The following TEAD3 variants were observed in gnomAD, a reference collection of about 807,000 sequenced individuals.
TEAD3 encodes transcriptional enhancer factor TEF-5.
In TEAD3, 15 loss-of-function variants were observed where a neutral mutation model predicts 55.6. The ratio of observed to expected loss-of-function variants is 0.27; its 90% CI spans 0.18 to 0.42. The LOEUF (loss-of-function observed/expected upper bound fraction) is 0.42, where lower values mean the gene tolerates loss of function less well. Ranked by LOEUF, TEAD3 falls within the 10% of genes least tolerant of loss-of-function variation. TEAD3 has a pLI of 1.00. For missense variants in TEAD3, 407 were observed against 576.8 expected (o/e 0.71, Z 3.01); for synonymous variants, 210 against 232.2 (o/e 0.90, Z 0.87).
chr6:35,474,276 T>C (rs1768095463), downstream of TEAD3: 1 of 152,874 alleles, frequency 6.5e-6, no homozygotes, highest in Non-Finnish European at 1.5e-5. Flanking sequence ...CCCTTCTTCA[T>C]GCCCAGTCTG....
At chr6:35,482,853 A>G (rs1768291451) in intron 3 of TEAD3, among the ~76,000 whole-genome samples, 1 of 152,232 alleles carries the variant, frequency 6.6e-6, no homozygotes, top group Non-Finnish European at 1.5e-5. Flanking sequence ...TCTTCTGGGT[A>G]GAGAAGGACC....
At chr6:35,474,960 C>T in exon 13 of TEAD3, 1 of 1,235,252 alleles carries the variant, frequency 8.1e-7, no homozygotes, top group Non-Finnish European at 1.1e-6. Context: ...GATGAATCCT[C>T]AATCCTGGAC....
Position 35,478,478 on chromosome 6 carries a change from G to A in TEAD3, c.436C>T (p.Pro146Ser), listed in dbSNP as rs373538100. The A allele has an allele frequency of 6.6e-5, 106 of 1,612,672 alleles. No homozygotes were observed. Among genetic ancestry groups the A allele is most frequent in the Non-Finnish European group, 8.8e-5 (104 of 1,179,422 alleles). Residue 146 changes from proline to serine, a missense_variant, in exon 6 of 13, where the codon CCA (proline) becomes TCA (serine). By Grantham distance (74) the Pro-to-Ser change is moderately conservative. Coordinates refer to ENST00000639578, the Ensembl canonical transcript of TEAD3. Reference sequence around the variant, plus strand: ...ACGGCCTGGGGCAGAGGGGAAGGTGGGCTGAACTTGTTCTGCAGGACACTG... The same window carrying A: ...ACGGCCTGGGGCAGAGGGGAAGGTGAGCTGAACTTGTTCTGCAGGACACTG...
In TEAD3 at chr6:35,483,606, C is replaced by CT. The variant is rs534750290; in HGVS notation, c.267+953dup. Among the ~76,000 whole-genome samples, 79 of 152,206 alleles carry CT rather than the reference C, an allele frequency of 5.2e-4. No homozygotes were observed. The highest frequency in any genetic ancestry group is 1.0e-3 in the Non-Finnish European group (70 of 68,026). On this transcript the variant is annotated intron_variant, in intron 3 of 12. Coordinates refer to ENST00000639578, the Ensembl canonical transcript of TEAD3. This position sits in a 1 kb window ranked among gnomAD's most constrained non-coding sequence, Gnocchi z 4.5. ...CTTATGCCCGCAATGGCCAGCCTCT[C>CT]TGTCTCCAGCCAGCCCTCTCTAATC...
intron 3 of TEAD3, among the ~76,000 whole-genome samples, chr6:35,481,520 C>A (rs1283968088): frequency 6.6e-6 from 1 of 152,212 alleles, no homozygotes; most frequent in Non-Finnish European, 1.5e-5. Context: ...GAATCAGACT[C>A]CTGTCCAGCA....
At chr6:35,489,761 G>A (rs1162605859) in intron 1 of TEAD3, among the ~76,000 whole-genome samples, 1 of 152,058 alleles carries the variant, frequency 6.6e-6, no homozygotes, top group East Asian at 1.9e-4. Context: ...AATAAATAAG[G>A]AAATGTGGGG....
In TEAD3 at chr6:35,496,462, G is replaced by A. The variant is rs552289037; in HGVS notation, c.-50+436C>T. Among the ~76,000 whole-genome samples, 5 of 152,202 alleles carry A rather than the reference G, an allele frequency of 3.3e-5. No homozygotes were observed. The highest frequency in any genetic ancestry group is 2.1e-4 in the South Asian group (1 of 4,832). On this transcript the variant is annotated intron_variant, in intron 1 of 12. Coordinates refer to ENST00000639578, the Ensembl canonical transcript of TEAD3. The surrounding 1 kb of genome is among the most constrained non-coding windows in gnomAD (Gnocchi z 4.8). Reference sequence around the variant, plus strand: ...CCGAGGCCTGCGTGGAGCTGAGGCCGGGCGGGCTCCGGGAGCGCGCGGGCC... The same window carrying A: ...CCGAGGCCTGCGTGGAGCTGAGGCCAGGCGGGCTCCGGGAGCGCGCGGGCC...
intron 8 of TEAD3, among the ~76,000 whole-genome samples, chr6:35,476,907 C>T (rs1768160230): frequency 6.6e-6 from 1 of 152,218 alleles, no homozygotes; most frequent in Admixed American, 6.5e-5. Context: ...ACTGCAACCT[C>T]CACCCACTGG....
At chr6:35,480,184 G>A in intron 3 of TEAD3, 128 bp downstream of exon 4, 1 of 1,551,444 alleles carries the variant, frequency 6.4e-7, no homozygotes, top group Non-Finnish European at 8.7e-7. Context: ...CAGAAACAGA[G>A]CTTCAGCCAG....
In TEAD3 at chr6:35,486,940, C is replaced by T. The variant is rs562048555; in HGVS notation, c.-49-229G>A. Among the ~76,000 whole-genome samples, 1 of 152,126 alleles carries T rather than the reference C, an allele frequency of 6.6e-6. No homozygotes were observed. Among genetic ancestry groups the T allele is most frequent in the Non-Finnish European group, 1.5e-5 (1 of 68,020 alleles). On this transcript the variant is annotated intron_variant, in intron 1 of 12. Coordinates refer to ENST00000639578, the Ensembl canonical transcript of TEAD3. The surrounding 1 kb of genome is among the most constrained non-coding windows in gnomAD (Gnocchi z 7.3). ...CTCTCTAGGCCTCAGTCCTGTAAAA[C>T]GAGAAAAGGGTCTCCTTGAGGAGAC...
Position 35,486,526 on chromosome 6 carries a change from G to A in TEAD3, c.137C>T (p.Ala46Val). The change falls in exon 2 of 13, where the codon GCC (alanine) becomes GTC (valine). Residue 46 changes from alanine to valine, a missense_variant. Physicochemically the swap from Ala to Val is moderately conservative, Grantham distance 64. Transcript: ENST00000639578. The surrounding 1 kb of genome is among the most constrained non-coding windows in gnomAD (Gnocchi z 7.3). The stretch of plus-strand genomic sequence containing the variant: ...GCCGCAGGGCGGGTAGATGGCCAGG[G>A]CCTCCTGGAAGCTCTGCTCGATGTC... The A allele has an allele frequency of 6.2e-7, 1 of 1,613,658 alleles. No homozygotes were observed. The highest frequency in any genetic ancestry group is 8.5e-7 in the Non-Finnish European group (1 of 1,179,794).
intron 1 of TEAD3, among the ~76,000 whole-genome samples, chr6:35,490,193 C>G (rs965826330): frequency 6.6e-6 from 1 of 152,218 alleles, no homozygotes; most frequent in Non-Finnish European, 1.5e-5. Context: ...CTGTGGCCCC[C>G]CCTTCTTAGG....
rs1213929668 is a variant in TEAD3 at position 35,484,158 on chromosome 6, C to A, written c.267+402G>T. On this transcript the variant is annotated intron_variant, in intron 3 of 12. Coordinates refer to ENST00000639578, the Ensembl canonical transcript of TEAD3. The surrounding 1 kb of genome is among the most constrained non-coding windows in gnomAD (Gnocchi z 5.8). ...CTGCTTGTCCCAGGGTGCCCTGCAC[C>A]CACCCTCTCTCAGCCCCGCCACCTT... is the stretch of plus-strand genomic sequence containing the variant. 6.6e-6 allele frequency among the ~76,000 whole-genome samples: 1 copy of A among 152,142 alleles called. No individual in the cohort carries two copies. The highest frequency in any genetic ancestry group is 6.5e-5 in the Admixed American group (1 of 15,278).
chr6:35,475,713 A>T lies in TEAD3; in HGVS notation c.901-7T>A. On this transcript the variant is annotated splice_region_variant and splice_polypyrimidine_tract_variant and intron_variant, in intron 10 of 12. Coordinates refer to ENST00000639578, the Ensembl canonical transcript of TEAD3. This position sits in a 1 kb window ranked among gnomAD's most constrained non-coding sequence, Gnocchi z 5.4. ...TGGTGCTGTTGAGGTCGGCCTGGGCATGGGGGTGGGGGGTGTTAGGTGCTG... is the reference window on the plus strand; with the variant it reads ...TGGTGCTGTTGAGGTCGGCCTGGGCTTGGGGGTGGGGGGTGTTAGGTGCTG... 2 of 1,581,386 alleles carry T rather than the reference A, an allele frequency of 1.3e-6. No individual in the cohort carries two copies. The highest frequency in any genetic ancestry group is 1.2e-5 in the South Asian group (1 of 86,296).
intron 5 of TEAD3, 31 bp downstream of exon 5, chr6:35,479,274 C>A (rs202046348): frequency 6.2e-7 from 1 of 1,613,086 alleles, no homozygotes; most frequent in Non-Finnish European, 8.5e-7. Context: ...CCCTTTCCCC[C>A]ACTCCCACTG....
At position 35,496,464 on chromosome 6, in the gene TEAD3, G is replaced by A. The variant is rs1768656973; in HGVS notation, c.-50+434C>T. Among the ~76,000 whole-genome samples the A allele has an allele frequency of 6.6e-6, 1 of 151,974 alleles. No individual in the cohort carries two copies. The highest frequency in any genetic ancestry group is 2.1e-4 in the South Asian group (1 of 4,832). ...GAGGCCTGCGTGGAGCTGAGGCCGG[G>A]CGGGCTCCGGGAGCGCGCGGGCCGG... On this transcript the variant is annotated intron_variant, in intron 1 of 12. Coordinates refer to ENST00000639578, the Ensembl canonical transcript of TEAD3. This position sits in a 1 kb window ranked among gnomAD's most constrained non-coding sequence, Gnocchi z 4.8.
intron 9 of TEAD3, 22 bp from the exon 10 acceptor site, chr6:35,476,114 G>C (rs1048404490): frequency 6.5e-7 from 1 of 1,543,210 alleles, no homozygotes; most frequent in African/African-American, 1.4e-5. Flanking sequence ...GCCCAGACAG[G>C]GTCAGGAGAG....
At chr6:35,476,405 G>A (rs1429233521) in exon 9 of TEAD3, 1 of 1,613,146 alleles carries the variant, frequency 6.2e-7, no homozygotes, top group African/African-American at 1.3e-5. Context: ...AGAGGCAGCA[G>A]CTGAGGGGAG....
In TEAD3 at chr6:35,484,396, G is replaced by A. The variant is rs1429420665; in HGVS notation, c.267+164C>T. Among the ~76,000 whole-genome samples, 1 of 152,052 alleles carries A rather than the reference G, an allele frequency of 6.6e-6. No individual in the cohort carries two copies. Among genetic ancestry groups the A allele is most frequent in the African/African-American group, 2.4e-5 (1 of 41,380 alleles). ...TGAATGGAGCTGCTTGGGGGTGGGA[G>A]GGTGTAAAATCGAGGGGGTAAGGGG... On this transcript the variant is annotated intron_variant, in intron 3 of 12. Coordinates refer to ENST00000639578, the Ensembl canonical transcript of TEAD3. The surrounding 1 kb of genome is among the most constrained non-coding windows in gnomAD (Gnocchi z 5.8).
Sources: gnomAD v4.1 joint callset for allele counts (sites outside exome capture counted in the v4.1 genomes callset) on GRCh38, gnomAD v4.1.1 for gene constraint, Gnocchi (gnomAD v3.1) non-coding constraint, MANE v1.5 for transcripts, NCBI Gene and HGNC (gene_info 2026-07-23, HGNC 2026-07-21) for gene names.